The following DYNC2H1 variants were observed in gnomAD, a reference collection of about 807,000 sequenced individuals.
DYNC2H1 encodes the protein dynein cytoplasmic 2 heavy chain 1.
DYNC2H1 carries 410 observed loss-of-function variants against 570.0 expected under a neutral mutation model. The ratio of observed to expected loss-of-function variants is 0.72; its 90% CI spans 0.66 to 0.78. DYNC2H1 has a LOEUF of 0.78. DYNC2H1 is among the 30% of genes least tolerant of loss of function. The pLI, the probability that DYNC2H1 is intolerant of heterozygous loss-of-function variation, is 0.00. For synonymous variants in DYNC2H1, 1,688 were observed against 1,677.6 expected (o/e 1.01, Z -0.15); for missense variants, 4,865 against 5,046.4 (o/e 0.96, Z 1.09).
At position 103,472,338 on chromosome 11, in the gene DYNC2H1, A is replaced by C. The variant is rs1945414597; in HGVS notation, c.12765+3633A>C. On this transcript the variant is annotated intron_variant, in intron 88 of 88. Coordinates refer to ENST00000375735, the MANE Select transcript of DYNC2H1 (RefSeq NM_001377.3). This position sits in a 1 kb window ranked among gnomAD's most constrained non-coding sequence, Gnocchi z 4.1. ...CCAGGAGTTAGAGCCTGGCTTGGGC[A>C]ACATAGCAAGACCCCATCTTTATTA... is the stretch of plus-strand genomic sequence containing the variant. Among the ~76,000 whole-genome samples the C allele has an allele frequency of 6.6e-6, 1 of 151,588 alleles. No homozygotes were observed. Among genetic ancestry groups the C allele is most frequent in the African/African-American group, 2.4e-5 (1 of 41,272 alleles).
Position 103,204,817 on chromosome 11 carries a change from C to T in DYNC2H1, c.8312-5C>T. The stretch of plus-strand genomic sequence containing the variant: ...ATTGTATTATTATTCTTATATATTT[C>T]TTAGGAATTCAGCAAAACTTGCATA... On this transcript the variant is annotated splice_polypyrimidine_tract_variant and splice_region_variant and intron_variant, in intron 51 of 88. Coordinates refer to ENST00000375735, the MANE Select transcript of DYNC2H1 (RefSeq NM_001377.3). The surrounding 1 kb of genome is among the most constrained non-coding windows in gnomAD (Gnocchi z 4.1). 1 of 1,577,048 alleles carries T rather than the reference C, an allele frequency of 6.3e-7. No individual in the cohort carries two copies. Among genetic ancestry groups the T allele is most frequent in the Non-Finnish European group, 8.6e-7 (1 of 1,159,726 alleles).
intron 83 of DYNC2H1, among the ~76,000 whole-genome samples, chr11:103,382,784 T>C (rs1402395492): frequency 6.6e-6 from 1 of 152,236 alleles, no homozygotes; most frequent in East Asian, 1.9e-4. Flanking sequence ...TAAACTGATA[T>C]GTTTCATTCC....
Position 103,187,487 on chromosome 11 carries a change from A to C in DYNC2H1, c.7041A>C (p.Arg2347Ser). 3.1e-6 allele frequency: 5 copies of C among 1,613,418 alleles called. No individual in the cohort carries two copies. Among genetic ancestry groups the C allele is most frequent in the Non-Finnish European group, 4.2e-6 (5 of 1,179,514 alleles). ...VISTNTGRVY[R>S]PKDCERLVLY... The stretch of plus-strand genomic sequence containing the variant: ...GTACTAATACTGGTCGTGTATACAG[A>C]CCAAAAGACTGTGAAAGACTTGTTC... The change falls in exon 43 of 89, where the codon AGA becomes AGC. Residue 2347 changes from arginine (R) to serine (S), a missense_variant. Coordinates refer to ENST00000375735, the MANE Select transcript of DYNC2H1 (RefSeq NM_001377.3).
At chr11:103,162,056 G>GT (rs890905330) in intron 29 of DYNC2H1, among the ~76,000 whole-genome samples, 5 of 151,902 alleles carry the variant, frequency 3.3e-5, no homozygotes, top group South Asian at 2.1e-4. Flanking sequence ...TAAGAGTTTT[G>GT]TTTTTTTTCC....
chr11:103,125,077 A>G, intron 11 of DYNC2H1, 23 bp from the exon 12 acceptor site: 1 of 1,563,364 alleles, frequency 6.4e-7, no homozygotes, highest in Non-Finnish European at 8.7e-7. Context: ...GAAACTTAAC[A>G]GGTTATTTAT....
intron 88 of DYNC2H1, among the ~76,000 whole-genome samples, chr11:103,478,729 CTT>C (rs1945647280): frequency 6.6e-6 from 1 of 152,104 alleles, no homozygotes; most frequent in Non-Finnish European, 1.5e-5. Flanking sequence ...CAGAAAAACT[CTT>C]TAAAACAGGA....
chr11:103,399,864 A>G lies in DYNC2H1; in HGVS notation c.12358A>G (p.Asn4120Asp). Residue 4120 changes from asparagine (N) to aspartate (D), a missense_variant, in exon 84 of 89, where the codon AAC becomes GAC. By Grantham distance (23) the Asn-to-Asp change is conservative. This residue lies in a region of DYNC2H1 where 2,401 missense variants were observed against 2,454.6 expected (regional missense o/e 0.98). Transcript: ENST00000375735. ...ACAAAAATTGGCAAGTGCTTTATTA[A>G]ACCAAAAGGTAAGCGAGTACTAACT... ...EVQKLASALLNQKCPLAWQSK... is the reference protein window; with the variant it reads ...EVQKLASALLDQKCPLAWQSK... 2 of 1,613,286 alleles carry G rather than the reference A, an allele frequency of 1.2e-6. No individual in the cohort carries two copies. The highest frequency in any genetic ancestry group is 1.7e-6 in the Non-Finnish European group (2 of 1,179,528).
At chr11:103,191,494 G>A (rs1403903436) in intron 45 of DYNC2H1, 23 bp from the exon 46 acceptor site, 3 of 1,533,480 alleles carry the variant, frequency 2.0e-6, no homozygotes, top group Non-Finnish European at 8.9e-7. Flanking sequence ...TAGAAAGATT[G>A]TTTACTGTAT....
At chr11:103,327,153 C>G (rs1591583321) in intron 82 of DYNC2H1, among the ~76,000 whole-genome samples, 1 of 152,002 alleles carries the variant, frequency 6.6e-6, no homozygotes, top group Admixed American at 6.6e-5. Context: ...TGAGCATCAG[C>G]GTCACTTCTC....
At position 103,187,385 on chromosome 11, in the gene DYNC2H1, T is replaced by C. The variant is rs1382142762; in HGVS notation, c.6939T>C (p.Ile2313=). The change falls in exon 43 of 89, where the codon ATT becomes ATC. Residue 2313 remains isoleucine, a synonymous_variant. Coordinates refer to ENST00000375735, the MANE Select transcript of DYNC2H1 (RefSeq NM_001377.3). ...TTTCACAACTCCGGTCCACTCAAAT[T>C]GCTACAGTTCACTGTAGTGCACAAA... ...YAFSQLRSTQ[I]ATVHCSAQTT... is the part of the protein sequence containing the mutation. 1 of 1,613,202 alleles carries C rather than the reference T, an allele frequency of 6.2e-7. No homozygotes were observed. Among genetic ancestry groups the C allele is most frequent in the South Asian group, 1.1e-5 (1 of 91,062 alleles).
chr11:103,224,230 A>G lies in DYNC2H1; in HGVS notation c.9353+1144A>G, dbSNP rs1034976794. ...ATTTTATCTCTTTTGTTCTAAATGC[A>G]GACCCAAAGGTTTATGTTCTTTTAA... On this transcript the variant is annotated intron_variant, in intron 59 of 88. Transcript: ENST00000375735. Among the ~76,000 whole-genome samples, 11 of 143,752 alleles carry G rather than the reference A, an allele frequency of 7.7e-5. No individual in the cohort carries two copies. In the Admixed American group the frequency reaches 7.9e-4, roughly 10 times the overall value. 94.3% of individuals were successfully genotyped at this position (143,752 alleles called of 152,430 possible).
At chr11:103,180,011 T>C (rs925582854) in intron 39 of DYNC2H1, among the ~76,000 whole-genome samples, 1 of 151,678 alleles carries the variant, frequency 6.6e-6, no homozygotes, top group Non-Finnish European at 1.5e-5. Context: ...TTGATTCAAA[T>C]CATGTTTTGA....
intron 84 of DYNC2H1, among the ~76,000 whole-genome samples, chr11:103,429,309 C>G (rs962713788): frequency 7.9e-5 from 12 of 151,856 alleles, no homozygotes; most frequent in Non-Finnish European, 1.5e-4. Flanking sequence ...TCATAGAAAG[C>G]AAGTAATAGA....
At chr11:103,229,859 G>A (rs1863939215) in intron 59 of DYNC2H1, among the ~76,000 whole-genome samples, 1 of 152,118 alleles carries the variant, frequency 6.6e-6, no homozygotes, top group African/African-American at 2.4e-5. Flanking sequence ...ATCAATAATT[G>A]GGTTGTGTTT....
Position 103,323,961 on chromosome 11 carries a change from C to T in DYNC2H1, c.12010C>T (p.Arg4004Cys), listed in dbSNP as rs768839818. Residue 4004 changes from arginine to cysteine, a missense_variant, in exon 82 of 89, where the codon CGC becomes TGC. This residue lies in a region of DYNC2H1 where 2,401 missense variants were observed against 2,454.6 expected (regional missense o/e 0.98). Coordinates refer to ENST00000375735, the MANE Select transcript of DYNC2H1 (RefSeq NM_001377.3). ...CTTTGGTCTGCCTGCCAATATCGCT[C>T]GCTCATCTCAGCGCATGATCAGTTC... ...SFFGLPANIA[R>C]SSQRMISSQV... is the part of the protein sequence containing the mutation. 1.6e-5 allele frequency: 26 copies of T among 1,612,106 alleles called. No individual in the cohort carries two copies. The highest frequency in any genetic ancestry group is 8.0e-5 in the African/African-American group (6 of 74,786).
rs1555140355 is a variant in DYNC2H1 at position 103,459,958 on chromosome 11, C to CCAA, written c.12648+3602_12648+3603insCAA. 2.9e-3 allele frequency among the ~76,000 whole-genome samples: 203 copies of CCAA among 70,738 alleles called. 8 individuals are homozygous for CCAA. Among genetic ancestry groups the CCAA allele is most frequent in the African/African-American group, 9.0e-3 (138 of 15,274 alleles). 46.4% of individuals were successfully genotyped at this position (70,738 alleles called of 152,430 possible). The stretch of plus-strand genomic sequence containing the variant: ...TGGGCGACAGAGCGAGACTCCGTCT[C>CCAA]AAAAAAAAAAGAAAAAAAAAAAAAA... On this transcript the variant is annotated intron_variant, in intron 87 of 88. Transcript: ENST00000375735.
At chr11:103,291,943 CTT>C (rs1866618077) in intron 75 of DYNC2H1, among the ~76,000 whole-genome samples, 1 of 152,016 alleles carries the variant, frequency 6.6e-6, no homozygotes, top group South Asian at 2.1e-4. Flanking sequence ...CTATATGAGT[CTT>C]TATATGTGAA....
intron 87 of DYNC2H1, among the ~76,000 whole-genome samples, chr11:103,458,364 A>C (rs528270262): frequency 6.6e-6 from 1 of 152,024 alleles, no homozygotes; most frequent in Admixed American, 6.6e-5. Flanking sequence ...GTTTAAGTAC[A>C]CTCTCATGTT....
At chr11:103,227,323 A>G (rs1463461594) in intron 59 of DYNC2H1, among the ~76,000 whole-genome samples, 1 of 152,032 alleles carries the variant, frequency 6.6e-6, no homozygotes, top group African/African-American at 2.4e-5. Flanking sequence ...ATTTAATGCT[A>G]TGAGCTTTCC....
Sources: allele counts gnomAD v4.1 joint callset (sites outside exome capture counted in the v4.1 genomes callset), GRCh38; gene constraint gnomAD v4.1.1; regional missense constraint gnomAD v4.1.1; non-coding constraint Gnocchi (gnomAD v3.1); transcripts MANE v1.5; gene names NCBI Gene and HGNC (gene_info 2026-07-23, HGNC 2026-07-21).